GPATCH3: variants seen among roughly 807,000 people sequenced by gnomAD.
The protein encoded by GPATCH3 is G-patch domain containing 3, also known as G patch domain-containing protein 3.
A neutral mutation model predicts 53.2 loss-of-function variants in GPATCH3; 45 were observed. That is an observed-to-expected ratio of 0.85 (90% CI 0.67 to 1.08). GPATCH3 has a LOEUF of 1.08. GPATCH3 is among the 50% of genes least tolerant of loss of function. The pLI is 0.00. For synonymous variants in GPATCH3, 280 were observed against 270.6 expected, an observed-to-expected ratio of 1.03 and a Z score of -0.34; for missense variants, 680 against 687.2, an observed-to-expected ratio of 0.99 and a Z score of 0.12.
At chr1:26,893,258 AC>A in intron 4 of GPATCH3, 130 bp downstream of exon 4, 3 of 769,578 alleles carry the variant, frequency 3.9e-6, no homozygotes, top group Middle Eastern at 2.6e-4. Context: ...TTTAAGAGGA[AC>A]CCTCTCAGTG....
intron 6 of GPATCH3, 82 bp from the exon 7 acceptor site, chr1:26,891,308 C>T (rs2081924457): frequency 9.6e-7 from 1 of 1,046,896 alleles, no homozygotes; most frequent in African/African-American, 1.6e-5. Flanking sequence ...GAAGTAGTTA[C>T]TACATATCTG....
At position 26,894,261 on chromosome 1, in the gene GPATCH3, G is replaced by C. The variant is rs756009262; in HGVS notation, c.1026C>G (p.Ala342=). ...CTCCTTCTTCCTCCTGCCAGAACTG[G>C]GCATCAGTATAAAACACCAGGCCAG... is the stretch of plus-strand genomic sequence containing the variant. The part of the protein sequence containing the change: ...GGSGLVFYTD[A]QFWQEEEGDF... The change falls in exon 3 of 7, where the codon GCC becomes GCG. Residue 342 remains alanine (A), a synonymous_variant. Coordinates refer to ENST00000361720, the MANE Select transcript of GPATCH3 (RefSeq NM_022078.3). 2.5e-5 allele frequency: 40 copies of C among 1,613,900 alleles called. No homozygotes were observed. Among genetic ancestry groups the C allele is most frequent in the Middle Eastern group, 3.3e-4 (2 of 6,084 alleles).
chr1:26,898,703 G>A (rs1405461355), intron 1 of GPATCH3, among the ~76,000 whole-genome samples: 1 of 143,492 alleles, frequency 7.0e-6, no homozygotes, highest in Admixed American at 7.1e-5. Context: ...GTCTCGTTCT[G>A]TCACCCAGGC....
In GPATCH3 at chr1:26,900,370, G is replaced by T; in HGVS notation, c.73C>A (p.Arg25Ser). Reference protein sequence around the residue: ...LVVSGIPSVLRSAHLRSYFSQ... With the variant: ...LVVSGIPSVLSSAHLRSYFSQ... ...AAATAGCTCCGTAAATGGGCCGAGC[G>T]CAACACGGAGGGGATACCGCTCACT... The change falls in exon 1 of 7, where the codon CGC becomes AGC. Residue 25 changes from arginine (R) to serine (S), a missense_variant. Physicochemically the swap from Arg to Ser is moderately radical, Grantham distance 110 (BLOSUM62 -1). Transcript: ENST00000361720. 6.2e-7 allele frequency: 1 copy of T among 1,613,972 alleles called. No individual in the cohort carries two copies. The highest frequency in any genetic ancestry group is 2.2e-5 in the East Asian group (1 of 44,876).
Position 26,900,405 on chromosome 1 carries a change from A to G in GPATCH3, c.38T>C (p.Val13Ala). 6.2e-7 allele frequency: 1 copy of G among 1,612,164 alleles called. No individual in the cohort carries two copies. Among genetic ancestry groups the G allele is most frequent in the Non-Finnish European group, 8.5e-7 (1 of 1,178,670 alleles). Residue 13 changes from valine to alanine, a missense_variant, in exon 1 of 7, where the codon GTT becomes GCT. Val to Ala is a moderately conservative substitution (Grantham distance 64). Transcript: ENST00000361720. ...VPGEAEEEAT[V>A]YLVVSGIPSV... ...GGGGATACCGCTCACTACCAGGTAA[A>G]CTGTCGCCTCCTCCTCCGCCTCGCC...
chr1:26,894,805 T>C (rs1164224040), intron 2 of GPATCH3, among the ~76,000 whole-genome samples: 2 of 152,170 alleles, frequency 1.3e-5, no homozygotes. Context: ...CAGTACACAC[T>C]GGTTAGGCCT....
intron 2 of GPATCH3, among the ~76,000 whole-genome samples, chr1:26,896,661 A>G (rs1167376936): frequency 6.7e-6 from 1 of 150,020 alleles, no homozygotes; most frequent in Non-Finnish European, 1.5e-5. Flanking sequence ...AGATCGCACC[A>G]CTTCACTCCA....
At chr1:26,893,709 C>T (rs572829533) in intron 3 of GPATCH3, among the ~76,000 whole-genome samples, 45 of 151,916 alleles carry the variant, frequency 3.0e-4, no homozygotes, top group East Asian at 1.2e-3. Flanking sequence ...TTCATAGAGA[C>T]GAGGTTTCAC....
intron 1 of GPATCH3, among the ~76,000 whole-genome samples, chr1:26,899,143 C>T (rs2081963643): frequency 1.3e-5 from 2 of 152,332 alleles, no homozygotes; most frequent in South Asian, 4.1e-4. Context: ...GTTAGTTTCT[C>T]CCTTCTCTGT....
rs752208530 is a variant in GPATCH3 at position 26,892,473 on chromosome 1, GCAC to G, written c.1296_1298del (p.Arg432_Cys433delinsSer). 1 of 1,613,970 alleles carries G rather than the reference GCAC, an allele frequency of 6.2e-7. No individual in the cohort carries two copies. Among genetic ancestry groups the G allele is most frequent in the South Asian group, 1.1e-5 (1 of 91,084 alleles). ...TATCCAGGGCCTCAGGCACCCCTGA[GCAC>G]CTGCAGCCCAGGCCCTGGCCCTCAG... On this transcript the variant is annotated inframe_deletion, in exon 6 of 7. Transcript: ENST00000361720.
At chr1:26,897,776 C>T (rs755994116) in intron 1 of GPATCH3, 51 bp from the exon 2 acceptor site, 1 of 1,458,094 alleles carries the variant, frequency 6.9e-7, no homozygotes, top group Non-Finnish European at 9.2e-7. Context: ...TCCAGCAACA[C>T]TTGAGCCAGA....
rs567585430 is a variant in GPATCH3 at position 26,898,411 on chromosome 1, G to A, written c.452-686C>T. 5.9e-5 allele frequency among the ~76,000 whole-genome samples: 9 copies of A among 152,116 alleles called. No individual in the cohort carries two copies. The South Asian group carries it at 1.5e-3, about 25-fold the overall frequency. The stretch of plus-strand genomic sequence containing the variant: ...CAGCTCACCGCAACCTCCGCCTCCC[G>A]GGTTCAAGTGATTCTCATACTTCAG... On this transcript the variant is annotated intron_variant, in intron 1 of 6. Coordinates refer to ENST00000361720, the MANE Select transcript of GPATCH3 (RefSeq NM_022078.3).
In GPATCH3 at chr1:26,900,464, C is replaced by T. The variant is rs2081972582; in HGVS notation, c.-22G>A. On this transcript the variant is annotated 5_prime_UTR_variant, in exon 1 of 7. Coordinates refer to ENST00000361720, the MANE Select transcript of GPATCH3 (RefSeq NM_022078.3). ...CCATCTTGGATTGTCACATGATCAG[C>T]TAGAACCAAGTCTCGCGAGAACACC... The T allele has an allele frequency of 6.3e-7, 1 of 1,590,910 alleles. No homozygotes were observed. Among genetic ancestry groups the T allele is most frequent in the Non-Finnish European group, 8.6e-7 (1 of 1,165,170 alleles).
At position 26,897,546 on chromosome 1, in the gene GPATCH3, G is replaced by C. The variant is rs1279224694; in HGVS notation, c.631C>G (p.Leu211Val). 1.9e-6 allele frequency: 3 copies of C among 1,614,224 alleles called. No homozygotes were observed. Among genetic ancestry groups the C allele is most frequent in the Non-Finnish European group, 2.5e-6 (3 of 1,180,046 alleles). The part of the protein sequence containing the change: ...VFLELIRACR[L>V]PPRIITQLQL... ...AGCTGGGTGATGATCCGAGGGGGTA[G>C]GCGGCAGGCCCGGATCAACTCCAAA... is the stretch of plus-strand genomic sequence containing the variant. The change falls in exon 2 of 7, where the codon CTA (leucine) becomes GTA (valine). Residue 211 changes from leucine to valine, a missense_variant. Coordinates refer to ENST00000361720, the MANE Select transcript of GPATCH3 (RefSeq NM_022078.3).
Position 26,892,765 on chromosome 1 carries a change from A to T in GPATCH3, c.1138T>A (p.Ser380Thr). ...RDGGDKDARD[S>T]VQMRLEQRLR... ...CTCTGTTCCAGACGCATTTGGACAG[A>T]GTCTCGGGCATCCTTGTCTCCACCA... The change falls in exon 5 of 7, where the codon TCT becomes ACT. Residue 380 changes from serine (S) to threonine (T), a missense_variant. By Grantham distance (58) the Ser-to-Thr change is moderately conservative (BLOSUM62 1). Coordinates refer to ENST00000361720, the MANE Select transcript of GPATCH3 (RefSeq NM_022078.3). 1.2e-6 allele frequency: 2 copies of T among 1,614,076 alleles called. No individual in the cohort carries two copies. Among genetic ancestry groups the T allele is most frequent in the South Asian group, 1.1e-5 (1 of 91,080 alleles).
In GPATCH3 at chr1:26,890,874, C is replaced by T; in HGVS notation, c.*136G>A. On this transcript the variant is annotated 3_prime_UTR_variant, in exon 7 of 7. Transcript: ENST00000361720. ...GCCCCTGAGGTATAGAACCGGCAGG[C>T]AGGCAGGCTCGGAACAAAACACCCT... 1.1e-6 allele frequency: 1 copy of T among 873,548 alleles called. No individual in the cohort carries two copies. The highest frequency in any genetic ancestry group is 1.7e-5 in the Admixed American group (1 of 58,882). 54.1% of individuals were successfully genotyped at this position (873,548 alleles called of 1,614,324 possible).
Position 26,900,408 on chromosome 1 carries a change from G to A in GPATCH3, c.35C>T (p.Thr12Ile), listed in dbSNP as rs759366014. 6.2e-7 allele frequency: 1 copy of A among 1,611,962 alleles called. No individual in the cohort carries two copies. Among genetic ancestry groups the A allele is most frequent in the Non-Finnish European group, 8.5e-7 (1 of 1,178,514 alleles). Reference sequence around the variant, plus strand: ...GATACCGCTCACTACCAGGTAAACTGTCGCCTCCTCCTCCGCCTCGCCGGG... The same window carrying A: ...GATACCGCTCACTACCAGGTAAACTATCGCCTCCTCCTCCGCCTCGCCGGG... Reference protein sequence around the residue: ...AVPGEAEEEATVYLVVSGIPS... With the variant: ...AVPGEAEEEAIVYLVVSGIPS... Residue 12 changes from threonine (T) to isoleucine (I), a missense_variant, in exon 1 of 7, where the codon ACA (threonine) becomes ATA (isoleucine). Physicochemically the swap from Thr to Ile is moderately conservative, Grantham distance 89. Transcript: ENST00000361720.
chr1:26,894,239 C>T lies in GPATCH3; in HGVS notation c.1048G>A (p.Gly350Arg), dbSNP rs1557659889. The change falls in exon 3 of 7, where the codon GGA becomes AGA. Residue 350 changes from glycine to arginine, a missense_variant. Coordinates refer to ENST00000361720, the MANE Select transcript of GPATCH3 (RefSeq NM_022078.3). Reference protein sequence around the residue: ...TDAQFWQEEEGDFDEQTADDW... With the variant: ...TDAQFWQEEERDFDEQTADDW... ...TTTGCCTGGGTACCAGCATTACCTC[C>T]TTCTTCCTCCTGCCAGAACTGGGCA... 2 of 1,613,884 alleles carry T rather than the reference C, an allele frequency of 1.2e-6. No individual in the cohort carries two copies. The highest frequency in any genetic ancestry group is 1.7e-5 in the Admixed American group (1 of 59,992).
chr1:26,893,103 G>A (rs1164087328), intron 4 of GPATCH3, among the ~76,000 whole-genome samples: 1 of 152,092 alleles, frequency 6.6e-6, no homozygotes, highest in Non-Finnish European at 1.5e-5. Context: ...ACCCTTACTA[G>A]AGCCTGAGCT....
Sources: allele counts gnomAD v4.1 joint callset (sites outside exome capture counted in the v4.1 genomes callset), GRCh38; gene constraint gnomAD v4.1.1; transcripts MANE v1.5; gene names NCBI Gene and HGNC (gene_info 2026-07-23, HGNC 2026-07-21).